CLTC: variants seen among roughly 807,000 people sequenced by gnomAD.
CLTC encodes clathrin heavy chain, also known as clathrin heavy chain 1.
In CLTC, 16 loss-of-function variants were observed where a neutral mutation model predicts 195.8. That is an observed-to-expected ratio of 0.08 (90% CI 0.06 to 0.12). The LOEUF (loss-of-function observed/expected upper bound fraction) is 0.12, where lower values mean the gene tolerates loss of function less well. Ranked by LOEUF, CLTC falls within the 10% of genes least tolerant of loss-of-function variation. The probability of loss-of-function intolerance (pLI) is 1.00; values close to 1 mark genes in which losing one functional copy is unlikely to be tolerated. For missense variants in CLTC, 796 were observed against 2,027.0 expected, an observed-to-expected ratio of 0.39 and a Z score of 11.66; for synonymous variants, 667 against 689.4, an observed-to-expected ratio of 0.97 and a Z score of 0.51.
At chr17:59,639,529 A>C (rs974825012) in intron 1 of CLTC, among the ~76,000 whole-genome samples, 1 of 152,198 alleles carries the variant, frequency 6.6e-6, no homozygotes, top group Admixed American at 6.5e-5. Flanking sequence ...GCAGATTGAG[A>C]GGATAATAAA....
chr17:59,680,896 C>T lies in CLTC; in HGVS notation c.2920-16C>T. 1 of 1,594,084 alleles carries T rather than the reference C, an allele frequency of 6.3e-7. No homozygotes were observed. ...AACTTGATTCTCAGTACTTATGTCC[C>T]ATATATCCTCTGTAGGTTGTACAAA... is the stretch of plus-strand genomic sequence containing the variant. On this transcript the variant is annotated splice_polypyrimidine_tract_variant and intron_variant, in intron 18 of 31. Transcript: ENST00000269122.
intron 2 of CLTC, among the ~76,000 whole-genome samples, chr17:59,647,168 C>T (rs116641554): frequency 1.3e-5 from 2 of 152,150 alleles, no homozygotes; most frequent in African/African-American, 4.8e-5. Context: ...GGAAGTCATA[C>T]TATCTGTTTA....
intron 10 of CLTC, 141 bp downstream of exon 10, chr17:59,665,050 C>A (rs1046524674): frequency 4.0e-5 from 43 of 1,063,746 alleles, no homozygotes; most frequent in Non-Finnish European, 2.8e-5. Context: ...CATTGTGAGA[C>A]CCTGTAACTA....
At chr17:59,630,337 A>G (rs2031676003) in intron 1 of CLTC, among the ~76,000 whole-genome samples, 1 of 152,184 alleles carries the variant, frequency 6.6e-6, no homozygotes, top group Non-Finnish European at 1.5e-5. Context: ...AAAGTAAGCA[A>G]AATGACTAGT....
intron 31 of CLTC, among the ~76,000 whole-genome samples, chr17:59,691,402 A>C (rs1353088817): frequency 2.0e-5 from 3 of 152,052 alleles, no homozygotes; most frequent in Non-Finnish European, 4.4e-5. Flanking sequence ...AGGCGGGCGG[A>C]TCACAAGGTC....
intron 1 of CLTC, among the ~76,000 whole-genome samples, chr17:59,624,479 T>TTTTTTTA (rs2031485416): frequency 8.5e-6 from 1 of 117,764 alleles, no homozygotes; most frequent in Admixed American, 8.9e-5. Flanking sequence ...TTTTTTTTTT[T>TTTTTTTA]GAGACAGAGT....
At chr17:59,641,112 G>C (rs535491841) in intron 1 of CLTC, among the ~76,000 whole-genome samples, 20 of 100,778 alleles carry the variant, frequency 2.0e-4, no homozygotes, top group Middle Eastern at 0.011. Context: ...AGCGAGACTC[G>C]GTTTCAAAAA....
At chr17:59,653,548 C>G (rs193147826) in intron 5 of CLTC, among the ~76,000 whole-genome samples, 1 of 150,970 alleles carries the variant, frequency 6.6e-6, no homozygotes, top group Non-Finnish European at 1.5e-5. Context: ...TCTTTCTTTC[C>G]CTTTCCCTCT....
intron 6 of CLTC, among the ~76,000 whole-genome samples, chr17:59,658,052 A>G (rs569482889): frequency 4.6e-5 from 7 of 152,164 alleles, no homozygotes. Flanking sequence ...TACGAAAAAA[A>G]ATTAGCTGGG....
intron 1 of CLTC, among the ~76,000 whole-genome samples, chr17:59,623,215 T>G (rs1045815684): frequency 2.6e-5 from 4 of 152,148 alleles, no homozygotes; most frequent in Admixed American, 6.5e-5. Flanking sequence ...ATGGAATGTG[T>G]TGTTGAGTCA....
intron 14 of CLTC, 71 bp from the exon 15 acceptor site, chr17:59,673,576 C>A (rs767094120): frequency 3.4e-5 from 41 of 1,201,750 alleles, no homozygotes; most frequent in Non-Finnish European, 4.6e-5. Context: ...AGAACAAATT[C>A]TCATATGTTA....
intron 17 of CLTC, 106 bp downstream of exon 17, chr17:59,677,294 G>T: frequency 1.2e-6 from 1 of 826,158 alleles, no homozygotes; most frequent in Non-Finnish European, 1.9e-6. Flanking sequence ...GGGACGGTGG[G>T]TGCTTTTTTA....
intron 16 of CLTC, 109 bp from the exon 17 acceptor site, chr17:59,676,845 T>C: frequency 1.2e-6 from 1 of 816,924 alleles, no homozygotes; most frequent in Non-Finnish European, 1.9e-6. Context: ...GGGGAAAAAG[T>C]ATGTGAAAGC....
intron 30 of CLTC, among the ~76,000 whole-genome samples, chr17:59,687,983 TG>T (rs1369831958): frequency 6.6e-6 from 1 of 152,120 alleles, no homozygotes; most frequent in Admixed American, 6.6e-5. Context: ...GACAATGCCT[TG>T]GGATTATGTT....
chr17:59,690,616 CAT>C lies in CLTC; in HGVS notation c.4828-19_4828-18del. Reference sequence around the variant, plus strand: ...ATAATACTTTTGGGGTGCTAATTAACATGATGTGTTTTTCTCCAGGTGGATAA... The same window carrying C: ...ATAATACTTTTGGGGTGCTAATTAACGATGTGTTTTTCTCCAGGTGGATAA... On this transcript the variant is annotated intron_variant, in intron 30 of 31. Coordinates refer to ENST00000269122, the MANE Select transcript of CLTC (RefSeq NM_004859.4). 6.3e-7 allele frequency: 1 copy of C among 1,583,138 alleles called. No homozygotes were observed. Among genetic ancestry groups the C allele is most frequent in the Non-Finnish European group, 8.7e-7 (1 of 1,155,310 alleles).
chr17:59,632,529 C>G (rs561770387), intron 1 of CLTC, among the ~76,000 whole-genome samples: 17 of 151,680 alleles, frequency 1.1e-4, no homozygotes, highest in African/African-American at 3.9e-4. Flanking sequence ...AAAAACAAAA[C>G]AAACTCGGGA....
intron 15 of CLTC, among the ~76,000 whole-genome samples, chr17:59,674,154 A>G (rs1199536885): frequency 6.6e-6 from 1 of 152,186 alleles, no homozygotes; most frequent in African/African-American, 2.4e-5. Context: ...GGGGGAAAAA[A>G]AAAACATGCA....
At chr17:59,668,749 C>T (rs2032785275) in intron 13 of CLTC, 28 bp from the exon 14 acceptor site, 3 of 1,563,682 alleles carry the variant, frequency 1.9e-6, no homozygotes, top group Non-Finnish European at 2.6e-6. Context: ...TGTGCCTATG[C>T]TTAATTGTAA....
At position 59,675,301 on chromosome 17, in the gene CLTC, T is replaced by G. The variant is rs561783207; in HGVS notation, c.2561+458T>G. Among the ~76,000 whole-genome samples the G allele has an allele frequency of 7.2e-5, 11 of 152,300 alleles. No individual in the cohort carries two copies. In the East Asian group the frequency reaches 1.9e-3, roughly 27 times the overall value. On this transcript the variant is annotated intron_variant, in intron 16 of 31. Coordinates refer to ENST00000269122, the MANE Select transcript of CLTC (RefSeq NM_004859.4). ...TCTTGAGTTCAATTGATATTTAATTTACAGTACCTTAACATGATAATATGG... is the reference window on the plus strand; with the variant it reads ...TCTTGAGTTCAATTGATATTTAATTGACAGTACCTTAACATGATAATATGG...
Sources: allele counts gnomAD v4.1 joint callset (sites outside exome capture counted in the v4.1 genomes callset), GRCh38; gene constraint gnomAD v4.1.1; transcripts MANE v1.5; gene names NCBI Gene and HGNC (gene_info 2026-07-23, HGNC 2026-07-21).